UBXN6: variants seen among roughly 807,000 people sequenced by gnomAD.
The protein encoded by UBXN6 is UBX domain protein 6.
A neutral mutation model predicts 51.4 loss-of-function variants in UBXN6; 44 were observed. The observed-to-expected ratio is 0.86, with a 90% CI of 0.67 to 1.10. UBXN6 has a LOEUF of 1.10. Ranked by LOEUF, UBXN6 falls within the 50% of genes least tolerant of loss-of-function variation. The pLI is 0.00. For missense variants in UBXN6, 672 were observed against 596.1 expected (o/e 1.13, Z -1.32); for synonymous variants, 316 against 263.2 (o/e 1.20, Z -1.94).
intron 4 of UBXN6, 43 bp downstream of exon 4, chr19:4,452,321 G>A: frequency 6.2e-7 from 1 of 1,602,444 alleles, no homozygotes; most frequent in East Asian, 2.2e-5. Flanking sequence ...CTCAGGCACA[G>A]GAAGCTACAG....
At position 4,446,783 on chromosome 19, in the gene UBXN6, G is replaced by A. The variant is rs549563323; in HGVS notation, c.700+53C>T. The A allele has an allele frequency of 1.8e-4, 287 of 1,613,114 alleles. 2 individuals carry two copies. In the East Asian group the frequency reaches 5.6e-3, roughly 31 times the overall value. On this transcript the variant is annotated intron_variant, in intron 7 of 10. Coordinates refer to ENST00000301281, the MANE Select transcript of UBXN6 (RefSeq NM_025241.3). ...AGAGACCCCCAAGCCGGGCCCTCCT[G>A]CCCCGAGGCCCCTCGTCCCCATTCC...
At position 4,457,761 on chromosome 19, in the gene UBXN6, C is replaced by A. The variant is rs1974762117; in HGVS notation, c.-64G>T. The stretch of plus-strand genomic sequence containing the variant: ...GGGGGGCACGGGGCCCAGTCGGGGA[C>A]GGGGCCGCCGGAGACCAGCCACCGG... On this transcript the variant is annotated 5_prime_UTR_variant, in exon 1 of 11. Coordinates refer to ENST00000301281, the MANE Select transcript of UBXN6 (RefSeq NM_025241.3). 3 of 718,614 alleles carry A rather than the reference C, an allele frequency of 4.2e-6. No individual in the cohort carries two copies. The highest frequency in any genetic ancestry group is 5.7e-6 in the Non-Finnish European group (3 of 524,524). The allele number at this position is 718,614 out of a possible 1,614,324, so 44.5% of individuals were successfully genotyped here.
At chr19:4,451,083 C>T (rs144624172) in intron 4 of UBXN6, among the ~76,000 whole-genome samples, 1 of 152,152 alleles carries the variant, frequency 6.6e-6, no homozygotes, top group Non-Finnish European at 1.5e-5. Flanking sequence ...AAGTTTCGCT[C>T]TTGTCACCCA....
chr19:4,447,741 A>C, intron 5 of UBXN6, 116 bp from the exon 6 acceptor site: 1 of 1,066,848 alleles, frequency 9.4e-7, no homozygotes. Flanking sequence ...GTCAGAGGGA[A>C]GAAGCGGCCC....
Position 4,446,664 on chromosome 19 carries a change from G to A in UBXN6, c.756C>T (p.Ser252=), listed in dbSNP as rs776229378. The A allele has an allele frequency of 5.6e-5, 90 of 1,612,024 alleles. No homozygotes were observed. The highest frequency in any genetic ancestry group is 7.4e-5 in the Non-Finnish European group (87 of 1,179,260). The change falls in exon 8 of 11, where the codon AGC becomes AGT. Residue 252 remains serine, a synonymous_variant. Transcript: ENST00000301281. ...LSETTLAQPQ[S]LERHKEQLLA... is the part of the protein sequence containing the mutation. ...GCAGCTGTTCCTTGTGCCTCTCCAG[G>A]CTCTGGGGCTGGGCCAAGGTGGTCT...
Position 4,445,510 on chromosome 19 carries a change from C to T in UBXN6, c.1314G>A (p.Glu438=). Residue 438 remains glutamate (E), a synonymous_variant, in exon 11 of 11, where the codon GAG becomes GAA. Coordinates refer to ENST00000301281, the MANE Select transcript of UBXN6 (RefSeq NM_025241.3). ...CCCTGCTTTTATTTCACAAGAGCTT[C>T]TCGATGGCTGACAGGAGCTCGGGTT... ...ILKPELLSAI[E]KLL 3 of 1,613,934 alleles carry T rather than the reference C, an allele frequency of 1.9e-6. No homozygotes were observed. In the South Asian group the frequency reaches 3.3e-5, roughly 18 times the overall value.
Position 4,446,739 on chromosome 19 carries a change from G to T in UBXN6, c.701-20C>A. The T allele has an allele frequency of 6.2e-7, 1 of 1,609,600 alleles. No individual in the cohort carries two copies. The highest frequency in any genetic ancestry group is 8.5e-7 in the Non-Finnish European group (1 of 1,177,330). ...GGTCCTCTACAGCGTGGCAGGACATGGGTGTCACTGTGCAATGGAGAGACC... is the reference window on the plus strand; with the variant it reads ...GGTCCTCTACAGCGTGGCAGGACATTGGTGTCACTGTGCAATGGAGAGACC... On this transcript the variant is annotated intron_variant, in intron 7 of 10. Transcript: ENST00000301281.
intron 1 of UBXN6, among the ~76,000 whole-genome samples, 155 bp from the exon 2 acceptor site, chr19:4,454,248 C>T (rs1423323388): frequency 6.6e-6 from 1 of 152,196 alleles, no homozygotes; most frequent in African/African-American, 2.4e-5. Flanking sequence ...CCAGGGGCCA[C>T]CTGCAGCCAC....
At position 4,453,461 on chromosome 19, in the gene UBXN6, G is replaced by A. The variant is rs749155322; in HGVS notation, c.309C>T (p.Asn103=). ...VSGSPEAPGT[N]VVSEPREEGS... ...TGCCACCAGTGGCTGTTCTTACCAC[G>A]TTGGTCCCTGGGGCCTCGGGGCTCC... Residue 103 remains asparagine (N), a synonymous_variant, in exon 3 of 11, where the codon AAC becomes AAT. Transcript: ENST00000301281. The A allele has an allele frequency of 3.1e-6, 5 of 1,613,274 alleles. No individual in the cohort carries two copies. Among genetic ancestry groups the A allele is most frequent in the East Asian group, 2.2e-5 (1 of 44,878 alleles).
At chr19:4,447,478 C>T (rs1325598139) in intron 6 of UBXN6, 72 bp downstream of exon 6, 4 of 1,559,594 alleles carry the variant, frequency 2.6e-6, no homozygotes, top group Non-Finnish European at 3.5e-6. Flanking sequence ...CTGGTGTGGG[C>T]CACCACCGGC....
intron 10 of UBXN6, 154 bp from the exon 11 acceptor site, chr19:4,445,777 C>T: frequency 7.8e-7 from 1 of 1,281,690 alleles, no homozygotes; most frequent in Non-Finnish European, 1.1e-6. Context: ...CTGCCCTCTC[C>T]CTCCGGGACT....
Position 4,454,060 on chromosome 19 carries a change from T to C in UBXN6, c.117A>G (p.Pro39=). The part of the protein sequence containing the change: ...EKAHKEKPNQ[P]APRPPRQGPT... ...GTCCCTGGCGGGGCGGCCTGGGGGC[T>C]GGCTGGTTGGGCTTCTCTTTGTGGG... Residue 39 remains proline, a synonymous_variant, in exon 2 of 11, where the codon CCA becomes CCG. Transcript: ENST00000301281. 1 of 1,577,458 alleles carries C rather than the reference T, an allele frequency of 6.3e-7. No homozygotes were observed. Among genetic ancestry groups the C allele is most frequent in the Non-Finnish European group, 8.6e-7 (1 of 1,164,832 alleles).
At chr19:4,456,187 C>T (rs190188654) in intron 1 of UBXN6, among the ~76,000 whole-genome samples, 1 of 152,142 alleles carries the variant, frequency 6.6e-6, no homozygotes, top group African/African-American at 2.4e-5. Context: ...CTGCATCCTT[C>T]CTATCATGCC....
chr19:4,445,608 G>T lies in UBXN6; in HGVS notation c.1216C>A (p.Leu406Met). The change falls in exon 11 of 11, where the codon CTG (leucine) becomes ATG (methionine). Residue 406 changes from leucine (L) to methionine (M), a missense_variant. By Grantham distance (15) the Leu-to-Met change is conservative (BLOSUM62 2). Coordinates refer to ENST00000301281, the MANE Select transcript of UBXN6 (RefSeq NM_025241.3). Reference sequence around the variant, plus strand: ...ACAGCCATGTCCCACGAGAAGGTCAGGAGGGCAGAGGGCACCTGCGGTAGG... The same window carrying T: ...ACAGCCATGTCCCACGAGAAGGTCATGAGGGCAGAGGGCACCTGCGGTAGG... ...NECGLVPSALLTFSWDMAVLE... is the reference protein window; with the variant it reads ...NECGLVPSALMTFSWDMAVLE... 1 of 1,613,324 alleles carries T rather than the reference G, an allele frequency of 6.2e-7. No homozygotes were observed. Among genetic ancestry groups the T allele is most frequent in the African/African-American group, 1.3e-5 (1 of 75,070 alleles).
At chr19:4,449,971 T>G (rs1022203252) in intron 4 of UBXN6, 1 of 152,238 alleles carries the variant, frequency 6.6e-6, no homozygotes, top group African/African-American at 2.4e-5. Flanking sequence ...GGCTCATGCC[T>G]GGAATCCCAG....
chr19:4,457,461 G>C (rs10423797), intron 1 of UBXN6, among the ~76,000 whole-genome samples, 154 bp downstream of exon 1: 119,719 of 119,754 alleles, frequency 1, 59,842 homozygotes, highest in Middle Eastern at 1. Context: ...GCCCGACTTC[G>C]TCCGCCCCCG....
rs566398192 is a variant in UBXN6 at position 4,446,595 on chromosome 19, G to T, written c.825C>A (p.Arg275=). The T allele has an allele frequency of 1.1e-5, 17 of 1,612,540 alleles. No individual in the cohort carries two copies. In the Admixed American group the frequency reaches 2.5e-4, roughly 24 times the overall value. Reference sequence around the variant, plus strand: ...AGGCCAGGGGCGAGGGCTGGAAGACGCGGCGCTGCCTGTCCAGCTTGGCGC... The same window carrying T: ...AGGCCAGGGGCGAGGGCTGGAAGACTCGGCGCTGCCTGTCCAGCTTGGCGC... ...PVRAKLDRQR[R]VFQPSPLASQ... The change falls in exon 8 of 11, where the codon CGC becomes CGA. Residue 275 remains arginine (R), a synonymous_variant. Transcript: ENST00000301281.
chr19:4,445,975 G>C (rs186087815), intron 10 of UBXN6, 74 bp downstream of exon 10: 355 of 1,525,682 alleles, frequency 2.3e-4, no homozygotes, highest in Admixed American at 2.1e-3. Context: ...CTCCCTCCTG[G>C]GGGTGTCTGT....
At position 4,445,269 on chromosome 19, in the gene UBXN6, T is replaced by C. The variant is rs1279931336; in HGVS notation, c.*229A>G. ...GCTAGGGAGGGCTTAGATTTGTTGG[T>C]GTCCCCAGGCCTCTCCCTCGGGGGC... On this transcript the variant is annotated 3_prime_UTR_variant, in exon 11 of 11. Transcript: ENST00000301281. The C allele has an allele frequency of 6.7e-6, 4 of 599,110 alleles. No homozygotes were observed. In the East Asian group the frequency reaches 1.3e-4, roughly 19 times the overall value. The allele number at this position is 599,110 out of a possible 1,614,324, so 37.1% of individuals were successfully genotyped here.
Sources: gnomAD v4.1 joint callset for allele counts (sites outside exome capture counted in the v4.1 genomes callset) on GRCh38, gnomAD v4.1.1 for gene constraint, MANE v1.5 for transcripts, NCBI Gene and HGNC (gene_info 2026-07-23, HGNC 2026-07-21) for gene names.